The following CISD2 variants were observed in gnomAD, a reference collection of about 807,000 sequenced individuals.
The protein encoded by CISD2 is CDGSH iron sulfur domain 2, also known as CDGSH iron-sulfur domain-containing protein 2.
A neutral mutation model predicts 12.9 loss-of-function variants in CISD2; 1 was observed. The observed-to-expected ratio is 0.08, with a 90% CI of 0.03 to 0.37. The LOEUF (loss-of-function observed/expected upper bound fraction) is 0.37, where lower values mean the gene tolerates loss of function less well. CISD2 is among the 10% of genes least tolerant of loss of function. CISD2 has a pLI of 0.99. For missense variants in CISD2, 97 were observed against 163.1 expected, an observed-to-expected ratio of 0.59 and a Z score of 2.21; for synonymous variants, 50 against 60.6, an observed-to-expected ratio of 0.83 and a Z score of 0.81.
intron 1 of CISD2, among the ~76,000 whole-genome samples, chr4:102,870,236 A>C (rs1453085025): frequency 2.0e-5 from 3 of 152,240 alleles, no homozygotes; most frequent in Non-Finnish European, 4.4e-5. Context: ...TGTGTAGACT[A>C]AAATATAGAA....
rs759042390 is a variant in CISD2 at position 102,891,365 on chromosome 4, CAG to C, written c.*3936_*3937del. On this transcript the variant is annotated 3_prime_UTR_variant, in exon 3 of 3. Coordinates refer to ENST00000273986, the MANE Select transcript of CISD2 (RefSeq NM_001008388.5). ...CAAAATGTGACAGCTGACAGCAAGT[CAG>C]GGGAACAAAAATAAATTTAAGGTGA... The C allele has an allele frequency of 2.6e-5, 4 of 152,100 alleles. No individual in the cohort carries two copies. Among genetic ancestry groups the C allele is most frequent in the East Asian group, 1.9e-4 (1 of 5,198 alleles). 9.4% of individuals were successfully genotyped at this position (152,100 alleles called of 1,614,324 possible).
intron 1 of CISD2, among the ~76,000 whole-genome samples, chr4:102,870,852 A>C (rs1733426385): frequency 6.6e-6 from 1 of 152,220 alleles, no homozygotes; most frequent in Non-Finnish European, 1.5e-5. Flanking sequence ...CTAACCATTC[A>C]TTCCCTTACA....
At chr4:102,880,697 A>G (rs1733695894) in intron 1 of CISD2, among the ~76,000 whole-genome samples, 1 of 151,946 alleles carries the variant, frequency 6.6e-6, no homozygotes, top group Admixed American at 6.6e-5. Context: ...AATATATTTT[A>G]AATTATTTTA....
chr4:102,872,593 T>C (rs1240510841), intron 1 of CISD2, among the ~76,000 whole-genome samples: 1 of 152,148 alleles, frequency 6.6e-6, no homozygotes, highest in Non-Finnish European at 1.5e-5. Context: ...AATGGAAAAA[T>C]TCTGTTCTAG....
Position 102,869,062 on chromosome 4 carries a change from A to G in CISD2, c.-23A>G. The G allele has an allele frequency of 6.3e-7, 1 of 1,597,052 alleles. No homozygotes were observed. Among genetic ancestry groups the G allele is most frequent in the Non-Finnish European group, 8.5e-7 (1 of 1,172,730 alleles). On this transcript the variant is annotated 5_prime_UTR_variant, in exon 1 of 3. Coordinates refer to ENST00000273986, the MANE Select transcript of CISD2 (RefSeq NM_001008388.5). ...GGCCAGAGCGGAGGGGGCTCGGGAG[A>G]GGAGTGGACGCCGCTGGCCAGGATG...
chr4:102,883,176 T>C (rs553011034), intron 1 of CISD2, among the ~76,000 whole-genome samples: 15 of 152,364 alleles, frequency 9.8e-5, no homozygotes, highest in African/African-American at 3.6e-4. Flanking sequence ...GCCTTTCATA[T>C]GCAAACCAAC....
At chr4:102,872,750 C>T (rs535888694) in intron 1 of CISD2, among the ~76,000 whole-genome samples, 3 of 152,060 alleles carry the variant, frequency 2.0e-5, no homozygotes, top group Non-Finnish European at 4.4e-5. Context: ...TAGCCTGTGT[C>T]ACTATATATA....
intron 1 of CISD2, chr4:102,869,486 C>G (rs1733366880): frequency 1.4e-6 from 1 of 702,638 alleles, no homozygotes. Context: ...CAGTCTCTTT[C>G]ATCTCCTGTC....
In CISD2 at chr4:102,890,877, C is replaced by G. The variant is rs1734214664; in HGVS notation, c.*3447C>G. The G allele has an allele frequency of 9.3e-6, 1 of 107,042 alleles. No homozygotes were observed. The highest frequency in any genetic ancestry group is 1.9e-5 in the Non-Finnish European group (1 of 53,700). The allele number at this position is 107,042 out of a possible 1,614,324, so 6.6% of individuals were successfully genotyped here. On this transcript the variant is annotated 3_prime_UTR_variant, in exon 3 of 3. Transcript: ENST00000273986. ...AAGTCTTTTTTTTTTTTCATCTAAT[C>G]AAATTTATTGTGGCAGAAATCAGTA...
chr4:102,885,533 G>A (rs890546359), intron 2 of CISD2, 103 bp downstream of exon 2: 1 of 865,998 alleles, frequency 1.2e-6, no homozygotes, highest in Non-Finnish European at 1.9e-6. Context: ...AGAATTTTCT[G>A]TAATATTTGG....
At chr4:102,873,466 G>GTT (rs1733514317) in intron 1 of CISD2, among the ~76,000 whole-genome samples, 1 of 151,782 alleles carries the variant, frequency 6.6e-6, no homozygotes, top group Admixed American at 6.6e-5. Flanking sequence ...TTAGAGACGG[G>GTT]GTTTTGCCAT....
intron 1 of CISD2, 84 bp from the exon 2 acceptor site, chr4:102,885,132 A>T: frequency 9.2e-7 from 1 of 1,090,560 alleles, no homozygotes; most frequent in Non-Finnish European, 1.4e-6. Context: ...AGTAACAAAG[A>T]ATAAGCTCAA....
At chr4:102,879,827 C>T (rs1218793334) in intron 1 of CISD2, among the ~76,000 whole-genome samples, 1 of 152,134 alleles carries the variant, frequency 6.6e-6, no homozygotes, top group African/African-American at 2.4e-5. Context: ...AAATTAAACA[C>T]TTCAAACAAA....
Position 102,888,379 on chromosome 4 carries a change from A to T in CISD2, c.*949A>T, listed in dbSNP as rs1156443343. On this transcript the variant is annotated 3_prime_UTR_variant, in exon 3 of 3. Transcript: ENST00000273986. ...AAGTCTTGCAGAACCCATATGTAGAAAAGTTGGCCCTCCAGTTGACCCTCC... is the reference window on the plus strand; with the variant it reads ...AAGTCTTGCAGAACCCATATGTAGATAAGTTGGCCCTCCAGTTGACCCTCC... The T allele has an allele frequency of 6.6e-6, 1 of 152,204 alleles. No individual in the cohort carries two copies. Among genetic ancestry groups the T allele is most frequent in the Admixed American group, 6.5e-5 (1 of 15,278 alleles). 9.4% of individuals were successfully genotyped at this position (152,204 alleles called of 1,614,324 possible).
chr4:102,869,645 T>A (rs1733373984), intron 1 of CISD2: 1 of 626,236 alleles, frequency 1.6e-6, no homozygotes. Flanking sequence ...AAATATAGAC[T>A]TACACGTAAC....
At chr4:102,874,815 C>G (rs1206264752) in intron 1 of CISD2, 1 of 152,258 alleles carries the variant, frequency 6.6e-6, no homozygotes, top group African/African-American at 2.4e-5. Flanking sequence ...ATGGCCACTA[C>G]CTTAGTTTTA....
At position 102,869,081 on chromosome 4, in the gene CISD2, C is replaced by T; in HGVS notation, c.-4C>T. 1 of 1,608,792 alleles carries T rather than the reference C, an allele frequency of 6.2e-7. No homozygotes were observed. The highest frequency in any genetic ancestry group is 8.5e-7 in the Non-Finnish European group (1 of 1,178,056). On this transcript the variant is annotated 5_prime_UTR_variant, in exon 1 of 3. Coordinates refer to ENST00000273986, the MANE Select transcript of CISD2 (RefSeq NM_001008388.5). Reference sequence around the variant, plus strand: ...CGGGAGAGGAGTGGACGCCGCTGGCCAGGATGGTGCTGGAGAGCGTGGCCC... The same window carrying T: ...CGGGAGAGGAGTGGACGCCGCTGGCTAGGATGGTGCTGGAGAGCGTGGCCC...
chr4:102,889,330 C>CAGTT lies in CISD2; in HGVS notation c.*1901_*1904dup, dbSNP rs1734109718. The CAGTT allele has an allele frequency of 1.3e-5, 2 of 152,268 alleles. No individual in the cohort carries two copies. The highest frequency in any genetic ancestry group is 4.8e-5 in the African/African-American group (2 of 41,474). The allele number at this position is 152,268 out of a possible 1,614,324, so 9.4% of individuals were successfully genotyped here. A position where few individuals can be genotyped will look rare whatever the true frequency, so the allele number is the denominator to read the frequency against. On this transcript the variant is annotated 3_prime_UTR_variant, in exon 3 of 3. Transcript: ENST00000273986. The stretch of plus-strand genomic sequence containing the variant: ...GTCAGATTAACCAATTATTTTTCCA[C>CAGTT]AGTTGGTCACCAGACTTTGGAAAAA...
At chr4:102,875,980 C>T (rs1733582935) in intron 1 of CISD2, among the ~76,000 whole-genome samples, 1 of 152,178 alleles carries the variant, frequency 6.6e-6, no homozygotes, top group Non-Finnish European at 1.5e-5. Context: ...GACCCCTTAC[C>T]TAAAATTGCA....
Sources: gnomAD v4.1 joint callset for allele counts (sites outside exome capture counted in the v4.1 genomes callset) on GRCh38, gnomAD v4.1.1 for gene constraint, MANE v1.5 for transcripts, NCBI Gene and HGNC (gene_info 2026-07-23, HGNC 2026-07-21) for gene names.